The following ISLR2 variants were observed in gnomAD, a reference collection of about 807,000 sequenced individuals.
ISLR2 encodes immunoglobulin superfamily containing leucine rich repeat 2, also known as immunoglobulin superfamily containing leucine-rich repeat protein 2.
A neutral mutation model predicts 25.5 loss-of-function variants in ISLR2; 16 were observed. The ratio of observed to expected loss-of-function variants is 0.63; its 90% CI spans 0.43 to 0.95. ISLR2 has a LOEUF of 0.95. ISLR2 is among the 40% of genes least tolerant of loss of function. The pLI is 0.00. For synonymous variants in ISLR2, 508 were observed against 486.6 expected, an observed-to-expected ratio of 1.04 and a Z score of -0.58; for missense variants, 883 against 1,030.7, an observed-to-expected ratio of 0.86 and a Z score of 1.96.
At chr15:74,140,628 A>G (rs917349194), downstream of ISLR2, among the ~76,000 whole-genome samples, 1 of 152,254 alleles carries the variant, frequency 6.6e-6, no homozygotes, top group African/African-American at 2.4e-5. Context: ...TAGTACCAGG[A>G]CATAAGAAAG....
At chr15:74,112,525 T>C (rs2072175930) in intron 2 of ISLR2, among the ~76,000 whole-genome samples, 1 of 151,572 alleles carries the variant, frequency 6.6e-6, no homozygotes, top group African/African-American at 2.4e-5. Context: ...CATTTATGGG[T>C]CTGCTTTTTT....
At position 74,135,003 on chromosome 15, in the gene ISLR2, G is replaced by A. The variant is rs776180277; in HGVS notation, c.*11G>A. ...CAGACGGCAGGCTGAACCTCCGCCC[G>A]TCCGGCCCGCCCATTCCCGACCTCC... On this transcript the variant is annotated 3_prime_UTR_variant, in exon 3 of 3. Coordinates refer to ENST00000453268, the MANE Select transcript of ISLR2 (RefSeq NM_020851.3). 1.9e-6 allele frequency: 3 copies of A among 1,607,506 alleles called. No homozygotes were observed. The African/African-American group carries it at 4.0e-5, about 21-fold the overall frequency.
In ISLR2 at chr15:74,133,760, G is replaced by C. The variant is rs756838824; in HGVS notation, c.1006G>C (p.Ala336Pro). 4.3e-6 allele frequency: 7 copies of C among 1,613,490 alleles called. No homozygotes were observed. In the South Asian group the frequency reaches 5.5e-5, roughly 13 times the overall value. ...PPATPRFLAL[A>P]NGSLLVPLLS... ...AGCCACACCGCGCTTCCTGGCCCTCGCAAATGGCTCCCTGTTGGTGCCCCT... is the reference window on the plus strand; with the variant it reads ...AGCCACACCGCGCTTCCTGGCCCTCCCAAATGGCTCCCTGTTGGTGCCCCT... The change falls in exon 3 of 3, where the codon GCA (alanine) becomes CCA (proline). Residue 336 changes from alanine (A) to proline (P), a missense_variant. Ala to Pro is a conservative substitution (Grantham distance 27). Around this residue, in one of 2 missense-constraint regions of ISLR2, gnomAD observed 612 missense variants for 642.8 expected, o/e 0.95. Transcript: ENST00000453268.
rs751475769 is a variant in ISLR2 at position 74,134,047 on chromosome 15, C to A, written c.1293C>A (p.Thr431=). Residue 431 remains threonine, a synonymous_variant, in exon 3 of 3, where the codon ACC becomes ACA. Transcript: ENST00000453268. ...GLAKVSILGE[T]ETEPEEDTSE... ...CCAAGGTCAGCATTCTCGGGGAGAC[C>A]GAGACGGAGCCGGAGGAGGACACAA... is the stretch of plus-strand genomic sequence containing the variant. 1.2e-6 allele frequency: 2 copies of A among 1,613,594 alleles called. No homozygotes were observed. The highest frequency in any genetic ancestry group is 1.3e-5 in the African/African-American group (1 of 75,050).
chr15:74,117,522 A>C (rs2072220064), intron 2 of ISLR2, among the ~76,000 whole-genome samples: 1 of 152,078 alleles, frequency 6.6e-6, no homozygotes, highest in Admixed American at 6.5e-5. Context: ...CTTCACTAAA[A>C]ATTAAAAAAA....
chr15:74,117,058 T>C (rs1213861720), intron 2 of ISLR2, among the ~76,000 whole-genome samples: 1 of 152,176 alleles, frequency 6.6e-6, no homozygotes, highest in African/African-American at 2.4e-5. Flanking sequence ...TCAGTCTTAC[T>C]GGGGAGGGGA....
upstream of ISLR2, chr15:74,128,126 A>G (rs2072324001): frequency 3.3e-6 from 1 of 301,424 alleles, no homozygotes; most frequent in Non-Finnish European, 6.3e-6. Flanking sequence ...CGTTATAAAC[A>G]TTAGACCCGC....
At chr15:74,114,571 C>T (rs189883674) in intron 2 of ISLR2, among the ~76,000 whole-genome samples, 7 of 150,176 alleles carry the variant, frequency 4.7e-5, no homozygotes, top group Non-Finnish European at 8.9e-5. Flanking sequence ...GGCAGTGAGC[C>T]GAGATGGCGC....
rs2072454399 is a variant in ISLR2 at position 74,132,843 on chromosome 15, A to T, written c.89A>T (p.Tyr30Phe). ...CPEPCACVDKYAHQFADCAYK... is the reference protein window; with the variant it reads ...CPEPCACVDKFAHQFADCAYK... ...GAGCCGTGCGCCTGCGTGGACAAGT[A>T]CGCTCACCAGTTCGCGGACTGCGCT... Residue 30 changes from tyrosine to phenylalanine, a missense_variant, in exon 3 of 3, where the codon TAC (tyrosine) becomes TTC (phenylalanine). By Grantham distance (22) the Tyr-to-Phe change is conservative. Coordinates refer to ENST00000453268, the MANE Select transcript of ISLR2 (RefSeq NM_020851.3). This position sits in a 1 kb window ranked among gnomAD's most constrained non-coding sequence, Gnocchi z 4.3. 1.9e-6 allele frequency: 3 copies of T among 1,614,108 alleles called. No homozygotes were observed. The highest frequency in any genetic ancestry group is 1.1e-5 in the South Asian group (1 of 91,084).
chr15:74,109,959 TG>T (rs1567153893), intron 2 of ISLR2, among the ~76,000 whole-genome samples: 2 of 152,168 alleles, frequency 1.3e-5, no homozygotes, highest in African/African-American at 2.4e-5. Flanking sequence ...CACGCCCGGA[TG>T]TTTTTTTATT....
upstream of ISLR2, chr15:74,125,872 T>C (rs1386216817): frequency 1.3e-5 from 2 of 152,180 alleles, no homozygotes; most frequent in African/African-American, 4.8e-5. Flanking sequence ...GATTTTTTTG[T>C]TTTTCCCTAG....
downstream of ISLR2, among the ~76,000 whole-genome samples, chr15:74,139,355 C>T (rs2072598723): frequency 6.6e-6 from 1 of 152,206 alleles, no homozygotes; most frequent in South Asian, 2.1e-4. Flanking sequence ...GGCCTTCCTT[C>T]CTACCTCTTT....
At chr15:74,106,083 T>A (rs1245611219) in intron 2 of ISLR2, among the ~76,000 whole-genome samples, 3 of 152,150 alleles carry the variant, frequency 2.0e-5, no homozygotes, top group Non-Finnish European at 4.4e-5. Flanking sequence ...TACAATACTT[T>A]GTGAGGCTGA....
chr15:74,137,831 C>G (rs1220195713), downstream of ISLR2, among the ~76,000 whole-genome samples: 1 of 152,236 alleles, frequency 6.6e-6, no homozygotes, highest in Non-Finnish European at 1.5e-5. Flanking sequence ...AGTTCCAATG[C>G]TCAGGGTCCT....
chr15:74,134,845 G>A lies in ISLR2; in HGVS notation c.2091G>A (p.Ala697=). The change falls in exon 3 of 3, where the codon GCG becomes GCA. Residue 697 remains alanine (A), a synonymous_variant. Coordinates refer to ENST00000453268, the MANE Select transcript of ISLR2 (RefSeq NM_020851.3). The stretch of plus-strand genomic sequence containing the variant: ...ACCTGCAGAGAGAGGAGAGCCTGGC[G>A]GCCTGCTCACTGGTGGAGTCCCAGT... ...SGDLQREESL[A]ACSLVESQSK... 1 of 1,614,136 alleles carries A rather than the reference G, an allele frequency of 6.2e-7. No individual in the cohort carries two copies. Among genetic ancestry groups the A allele is most frequent in the Non-Finnish European group, 8.5e-7 (1 of 1,180,018 alleles).
chr15:74,110,328 C>T (rs2072155724), intron 2 of ISLR2, among the ~76,000 whole-genome samples: 1 of 152,152 alleles, frequency 6.6e-6, no homozygotes, highest in African/African-American at 2.4e-5. Context: ...ATCAAACATA[C>T]ACCTCAATAT....
At chr15:74,104,302 G>A (rs1201954557) in intron 2 of ISLR2, among the ~76,000 whole-genome samples, 7 of 152,096 alleles carry the variant, frequency 4.6e-5, no homozygotes, top group South Asian at 2.1e-4. Context: ...AACATCCTGC[G>A]AGGCGCAAAC....
At chr15:74,126,896 T>TTTTG (rs1186575779), upstream of ISLR2, 1 of 122,312 alleles carries the variant, frequency 8.2e-6, no homozygotes, top group East Asian at 2.5e-4. Context: ...GAGAGAACAT[T>TTTTG]TGTGTGTGTG....
rs781137877 is a variant in ISLR2 at position 74,134,716 on chromosome 15, C to T, written c.1962C>T (p.Ser654=). ...ACCCGCGTGCTTCGTACCTCGAGTCCGAGAAAAGCTACCCGGCAGGCGGCG... is the reference window on the plus strand; with the variant it reads ...ACCCGCGTGCTTCGTACCTCGAGTCTGAGAAAAGCTACCCGGCAGGCGGCG... ...DFDPRASYLE[S]EKSYPAGGEA... Residue 654 remains serine, a synonymous_variant, in exon 3 of 3, where the codon TCC becomes TCT. Transcript: ENST00000453268. 1.2e-6 allele frequency: 2 copies of T among 1,613,986 alleles called. No individual in the cohort carries two copies. The highest frequency in any genetic ancestry group is 1.7e-6 in the Non-Finnish European group (2 of 1,180,014).
Sources: allele counts gnomAD v4.1 joint callset (sites outside exome capture counted in the v4.1 genomes callset), GRCh38; gene constraint gnomAD v4.1.1; regional missense constraint gnomAD v4.1.1; non-coding constraint Gnocchi (gnomAD v3.1); transcripts MANE v1.5; gene names NCBI Gene and HGNC (gene_info 2026-07-23, HGNC 2026-07-21).